Variants in PCBP3 observed in about 807,000 individuals in gnomAD.
PCBP3 encodes poly(rC) binding protein 3.
Under a neutral mutation model 52.7 loss-of-function variants are expected in PCBP3, and 25 were observed. The ratio of observed to expected loss-of-function variants is 0.47; its 90% CI spans 0.35 to 0.66. The LOEUF is 0.66. PCBP3 is among the 30% of genes least tolerant of loss of function. PCBP3 has a pLI of 0.01. For missense variants in PCBP3, 391 were observed against 490.3 expected (o/e 0.80, Z 1.91); for synonymous variants, 162 against 183.0 (o/e 0.89, Z 0.93).
chr21:45,899,100 C>T (rs1361437824), intron 6 of PCBP3, among the ~76,000 whole-genome samples: 4 of 152,280 alleles, frequency 2.6e-5, no homozygotes, highest in Admixed American at 6.5e-5. Context: ...ACGTGTGTCC[C>T]GAAACTGCCT....
intron 3 of PCBP3, among the ~76,000 whole-genome samples, chr21:45,752,575 T>A (rs1034328786): frequency 6.6e-6 from 1 of 152,008 alleles, no homozygotes; most frequent in Non-Finnish European, 1.5e-5. Flanking sequence ...TTAGAAGTAT[T>A]TCTCAATTCC....
chr21:45,705,041 C>T (rs1024039577), intron 2 of PCBP3, among the ~76,000 whole-genome samples: 3 of 152,198 alleles, frequency 2.0e-5, no homozygotes, highest in Non-Finnish European at 4.4e-5. Context: ...GGTCACCTTG[C>T]TGGCTGTGAG....
Position 45,817,605 on chromosome 21 carries a change from A to G in PCBP3, c.-125-32356A>G, listed in dbSNP as rs547472211. On this transcript the variant is annotated intron_variant, in intron 4 of 17. Coordinates refer to ENST00000681687, the MANE Select transcript of PCBP3 (RefSeq NM_001384156.1). This position sits in a 1 kb window ranked among gnomAD's most constrained non-coding sequence, Gnocchi z 4.3. ...GTGTGCTGCACTGCCGTGAGCAGCA[A>G]CTTGACAGTGGACGCAGCTAGAAAG... Among the ~76,000 whole-genome samples, 22 of 152,252 alleles carry G rather than the reference A, an allele frequency of 1.4e-4. No individual in the cohort carries two copies. Among genetic ancestry groups the G allele is most frequent in the Non-Finnish European group, 2.4e-4 (16 of 68,040 alleles).
Position 45,853,043 on chromosome 21 carries a change from G to T in PCBP3, c.10+2948G>T, listed in dbSNP as rs974127764. Reference sequence around the variant, plus strand: ...TCCCACAGCTGAGACCAGCAGGAGCGGGCAGTGGACTCGCACCAGGCATTG... The same window carrying T: ...TCCCACAGCTGAGACCAGCAGGAGCTGGCAGTGGACTCGCACCAGGCATTG... On this transcript the variant is annotated intron_variant, in intron 5 of 17. Coordinates refer to ENST00000681687, the MANE Select transcript of PCBP3 (RefSeq NM_001384156.1). The surrounding 1 kb of genome is among the most constrained non-coding windows in gnomAD (Gnocchi z 4.6). Among the ~76,000 whole-genome samples the T allele has an allele frequency of 1.3e-5, 2 of 152,222 alleles. No homozygotes were observed. Among genetic ancestry groups the T allele is most frequent in the South Asian group, 4.1e-4 (2 of 4,832 alleles).
intron 4 of PCBP3, among the ~76,000 whole-genome samples, chr21:45,824,605 C>G (rs2093257090): frequency 6.6e-6 from 1 of 152,196 alleles, no homozygotes. Context: ...CCTCCCTGCC[C>G]TGGTCTTGTC....
At position 45,942,028 on chromosome 21, in the gene PCBP3, G is replaced by A. The variant is rs751555858; in HGVS notation, c.*322G>A. 1.7e-5 allele frequency: 5 copies of A among 298,366 alleles called. No individual in the cohort carries two copies. The highest frequency in any genetic ancestry group is 3.1e-5 in the Non-Finnish European group (5 of 162,044). 18.5% of individuals were successfully genotyped at this position (298,366 alleles called of 1,614,324 possible). On this transcript the variant is annotated 3_prime_UTR_variant, in exon 18 of 18. Coordinates refer to ENST00000681687, the MANE Select transcript of PCBP3 (RefSeq NM_001384156.1). ...AGCGTAGCTGTCTGTCTTAGGAGCTGGGTCGGCGTTCCGACAGCACTTCCT... is the reference window on the plus strand; with the variant it reads ...AGCGTAGCTGTCTGTCTTAGGAGCTAGGTCGGCGTTCCGACAGCACTTCCT...
chr21:45,649,358 C>T (rs1250876618), intron 1 of PCBP3, among the ~76,000 whole-genome samples: 3 of 152,166 alleles, frequency 2.0e-5, no homozygotes, highest in Non-Finnish European at 2.9e-5. Context: ...TGGTTGGGGA[C>T]ACAGCCAAAC....
chr21:45,866,965 G>T (rs181590094), intron 5 of PCBP3, among the ~76,000 whole-genome samples: 2 of 152,348 alleles, frequency 1.3e-5, no homozygotes, highest in East Asian at 3.9e-4. Flanking sequence ...ACACAGGCAG[G>T]ACTGGAGGCT....
At chr21:45,806,239 G>A (rs894179376) in intron 4 of PCBP3, among the ~76,000 whole-genome samples, 22 of 152,174 alleles carry the variant, frequency 1.4e-4, no homozygotes, top group Non-Finnish European at 2.8e-4. Flanking sequence ...TGGATGGAAC[G>A]GCGGCCTTTC....
intron 2 of PCBP3, among the ~76,000 whole-genome samples, chr21:45,721,685 A>G (rs1825982848): frequency 6.6e-6 from 1 of 152,090 alleles, no homozygotes; most frequent in Non-Finnish European, 1.5e-5. Context: ...GTACCACTTT[A>G]TTTTCATTCT....
At chr21:45,798,982 A>G (rs1039908152) in intron 4 of PCBP3, among the ~76,000 whole-genome samples, 1 of 151,574 alleles carries the variant, frequency 6.6e-6, no homozygotes, top group Non-Finnish European at 1.5e-5. Flanking sequence ...GAATGCGTAC[A>G]TGGATGAATG....
intron 11 of PCBP3, among the ~76,000 whole-genome samples, chr21:45,913,620 A>C (rs1290134231): frequency 6.6e-6 from 1 of 152,170 alleles, no homozygotes; most frequent in Non-Finnish European, 1.5e-5. Flanking sequence ...GGCCTCCCAC[A>C]ATGGGACTGA....
chr21:45,935,309 A>G lies in PCBP3; in HGVS notation c.909+4A>G. The G allele has an allele frequency of 6.2e-7, 1 of 1,608,840 alleles. No homozygotes were observed. Among genetic ancestry groups the G allele is most frequent in the Non-Finnish European group, 8.5e-7 (1 of 1,175,806 alleles). Reference sequence around the variant, plus strand: ...TGAGCTCACCATTCCCAATGATGTGAGTATGCCCGCTGTACCTGCCTGTCC... The same window carrying G: ...TGAGCTCACCATTCCCAATGATGTGGGTATGCCCGCTGTACCTGCCTGTCC... On this transcript the variant is annotated splice_donor_region_variant and intron_variant, in intron 16 of 17. Coordinates refer to ENST00000681687, the MANE Select transcript of PCBP3 (RefSeq NM_001384156.1).
chr21:45,824,135 C>G (rs2093237955), intron 4 of PCBP3, among the ~76,000 whole-genome samples: 1 of 152,106 alleles, frequency 6.6e-6, no homozygotes, highest in Non-Finnish European at 1.5e-5. Context: ...TGGTTTCATC[C>G]CATTTGTCAT....
chr21:45,861,222 A>G (rs1280204950), intron 5 of PCBP3, among the ~76,000 whole-genome samples: 1 of 152,244 alleles, frequency 6.6e-6, no homozygotes, highest in African/African-American at 2.4e-5. Context: ...CGCACACAGC[A>G]GGTGAGAAGG....
At chr21:45,851,994 CAAAGTT>C (rs1267918580) in intron 5 of PCBP3, among the ~76,000 whole-genome samples, 1 of 152,286 alleles carries the variant, frequency 6.6e-6, no homozygotes, top group Admixed American at 6.5e-5. Flanking sequence ...TCCACAGGTA[CAAAGTT>C]AAAGTTAGAC....
At chr21:45,822,254 C>T (rs904671649) in intron 4 of PCBP3, among the ~76,000 whole-genome samples, 5 of 152,202 alleles carry the variant, frequency 3.3e-5, no homozygotes, top group African/African-American at 9.7e-5. Context: ...CCTCAGCCCC[C>T]ACTGCAGCCT....
intron 5 of PCBP3, among the ~76,000 whole-genome samples, chr21:45,885,498 T>C (rs1569435622): frequency 6.6e-6 from 1 of 152,148 alleles, no homozygotes; most frequent in African/African-American, 2.4e-5. Context: ...CTTTGTTCTC[T>C]TTTTCTGGTA....
intron 5 of PCBP3, among the ~76,000 whole-genome samples, chr21:45,892,463 C>T (rs2095692971): frequency 2.8e-5 from 1 of 35,782 alleles, no homozygotes; most frequent in Non-Finnish European, 4.5e-5. Context: ...CCGTCTCTGA[C>T]GGGGCGTGGG....
Sources: gnomAD v4.1 joint callset for allele counts (sites outside exome capture counted in the v4.1 genomes callset) on GRCh38, gnomAD v4.1.1 for gene constraint, Gnocchi (gnomAD v3.1) non-coding constraint, MANE v1.5 for transcripts, NCBI Gene and HGNC (gene_info 2026-07-23, HGNC 2026-07-21) for gene names.